Variants in SLC12A7 observed in about 807,000 individuals in gnomAD.
SLC12A7 encodes K-Cl cotransporter 4.
A neutral mutation model predicts 120.6 loss-of-function variants in SLC12A7; 100 were observed. The ratio of observed to expected loss-of-function variants is 0.83; its 90% CI spans 0.71 to 0.98. The LOEUF (loss-of-function observed/expected upper bound fraction) is 0.98, where lower values mean the gene tolerates loss of function less well. SLC12A7 is among the 50% of genes least tolerant of loss of function. The probability of loss-of-function intolerance (pLI) is 0.00; values close to 1 mark genes in which losing one functional copy is unlikely to be tolerated. For synonymous variants in SLC12A7, 760 were observed against 678.0 expected (o/e 1.12, Z -1.88); for missense variants, 1,373 against 1,548.1 (o/e 0.89, Z 1.90).
chr5:1,086,776 G>C, intron 6 of SLC12A7, 127 bp downstream of exon 6: 2 of 1,292,888 alleles, frequency 1.5e-6, no homozygotes, highest in Non-Finnish European at 2.1e-6. Context: ...AGAGCCCAGG[G>C]GCAGCCAGGG....
chr5:1,130,769 G>A, the SLC12A7 span, among the ~76,000 whole-genome samples: 1 of 152,228 alleles, frequency 6.6e-6, no homozygotes, highest in African/African-American at 2.4e-5. Flanking sequence ...CACAGACGCA[G>A]GTGGGCGGGT....
chr5:1,130,621 G>T, the SLC12A7 span, among the ~76,000 whole-genome samples: 31 of 151,688 alleles, frequency 2.0e-4, no homozygotes, highest in Non-Finnish European at 4.4e-4. Flanking sequence ...TAGCCAGGGT[G>T]GGGGCAGCAG....
At position 1,085,237 on chromosome 5, in the gene SLC12A7, G is replaced by A; in HGVS notation, c.912C>T (p.Asp304=). Residue 304 remains aspartate (D), a synonymous_variant, in exon 7 of 24, where the codon GAC becomes GAT. Transcript: ENST00000264930. The part of the protein sequence containing the change: ...GVIKSAFDPP[D]IPVCLLGNRT... The stretch of plus-strand genomic sequence containing the variant: ...TCAGAGGCCCCGAGACTCACGGGAT[G>A]TCCGGGGGGTCGAAGGCAGACTTGA... 6.2e-7 allele frequency: 1 copy of A among 1,612,280 alleles called. No individual in the cohort carries two copies. The highest frequency in any genetic ancestry group is 8.5e-7 in the Non-Finnish European group (1 of 1,179,692).
intron 1 of SLC12A7, among the ~76,000 whole-genome samples, chr5:1,097,241 G>A (rs1029845542): frequency 6.6e-6 from 1 of 152,170 alleles, no homozygotes; most frequent in Non-Finnish European, 1.5e-5. Context: ...GGAAAAACGT[G>A]TACACAGCAA....
At chr5:1,130,519 TC>T in the SLC12A7 span, among the ~76,000 whole-genome samples, 48 of 151,418 alleles carry the variant, frequency 3.2e-4, no homozygotes, top group Non-Finnish European at 6.2e-4. Context: ...CACACGCGTG[TC>T]CCCTCACCTC....
At position 1,081,745 on chromosome 5, in the gene SLC12A7, C is replaced by T; in HGVS notation, c.1130-1G>A. 6.2e-7 allele frequency: 1 copy of T among 1,610,022 alleles called. No homozygotes were observed. Among genetic ancestry groups the T allele is most frequent in the Non-Finnish European group, 8.5e-7 (1 of 1,177,688 alleles). ...TGCGCGTACGTACTCCACAGGTTCTCTGCCGGGCAAGGAAGATCCCATGGG... is the reference window on the plus strand; with the variant it reads ...TGCGCGTACGTACTCCACAGGTTCTTTGCCGGGCAAGGAAGATCCCATGGG... On this transcript the variant is annotated splice_acceptor_variant, in intron 8 of 23. Transcript: ENST00000264930. LOFTEE classifies it high-confidence loss of function.
chr5:1,061,976 C>A (rs1469706460), intron 20 of SLC12A7, among the ~76,000 whole-genome samples: 2 of 152,298 alleles, frequency 1.3e-5, no homozygotes, highest in South Asian at 4.1e-4. Context: ...GACTGAATGG[C>A]AGCGACCCAG....
intron 17 of SLC12A7, 144 bp from the exon 18 acceptor site, chr5:1,065,622 C>T (rs879882733): frequency 8.0e-6 from 5 of 627,550 alleles, no homozygotes; most frequent in African/African-American, 1.8e-5. Context: ...CGGTGTGCTG[C>T]GGTGCTCCCG....
chr5:1,064,692 A>G (rs1232777616), intron 18 of SLC12A7, among the ~76,000 whole-genome samples: 1 of 148,586 alleles, frequency 6.7e-6, no homozygotes, highest in Non-Finnish European at 1.5e-5. Flanking sequence ...GTGAAGGGAC[A>G]GTGAGGGGAC....
intron 1 of SLC12A7, among the ~76,000 whole-genome samples, chr5:1,105,155 T>G (rs1231503189): frequency 8.9e-5 from 4 of 45,174 alleles, no homozygotes; most frequent in Admixed American, 4.8e-4. Flanking sequence ...CACCCACCAG[T>G]CAAAAGGACC....
At chr5:1,057,715 G>A (rs902123286) in intron 21 of SLC12A7, 66 bp from the exon 22 acceptor site, 20 of 1,472,492 alleles carry the variant, frequency 1.4e-5, no homozygotes, top group Non-Finnish European at 1.6e-5. Context: ...AGCGACCCGG[G>A]ATGCCAGGCC....
At chr5:1,122,841 T>G in the SLC12A7 span, among the ~76,000 whole-genome samples, 2 of 152,384 alleles carry the variant, frequency 1.3e-5, no homozygotes, top group South Asian at 4.1e-4. Context: ...AGGGTTGCTA[T>G]TCCCCCTATG....
intron 18 of SLC12A7, among the ~76,000 whole-genome samples, chr5:1,064,859 C>CGAGGAGAGGGT (rs1554012897): frequency 2.5e-5 from 1 of 40,414 alleles, no homozygotes; most frequent in Non-Finnish European, 4.4e-5. Context: ...GAGGAGACGG[C>CGAGGAGAGGGT]GAGGGGACAG....
chr5:1,051,039 G>A lies in SLC12A7; in HGVS notation c.*1321C>T, dbSNP rs118075009. ...CAACCTTGTTACCACGTAACTCCCT[G>A]GGGTGTTTAAATAAATAAATATGCC... On this transcript the variant is annotated 3_prime_UTR_variant, in exon 24 of 24. Coordinates refer to ENST00000264930, the MANE Select transcript of SLC12A7 (RefSeq NM_006598.3). The A allele has an allele frequency of 3.1e-3, 1,251 of 398,214 alleles. 17 individuals carry two copies. Among genetic ancestry groups the A allele is most frequent in the Admixed American group, 0.025 (578 of 22,716 alleles). The allele number at this position is 398,214 out of a possible 1,614,324, so 24.7% of individuals were successfully genotyped here.
chr5:1,085,463 G>C lies in SLC12A7; in HGVS notation c.686C>G (p.Ser229Cys), dbSNP rs758316544. ...CGCCTGGAAGATGGCCGCACCCGGG[G>C]AGATGTACGTCTGTGGGAACAAGGC... ...GTIEIFLTYI[S>C]PGAAIFQAEA... Residue 229 changes from serine to cysteine, a missense_variant, in exon 7 of 24, where the codon TCC becomes TGC. By Grantham distance (112) the Ser-to-Cys change is moderately radical (BLOSUM62 -1). Transcript: ENST00000264930. 54 of 1,606,472 alleles carry C rather than the reference G, an allele frequency of 3.4e-5. No individual in the cohort carries two copies. The highest frequency in any genetic ancestry group is 4.6e-5 in the Non-Finnish European group (54 of 1,177,174).
intron 17 of SLC12A7, among the ~76,000 whole-genome samples, chr5:1,069,618 C>T (rs1273173931): frequency 2.0e-5 from 3 of 152,214 alleles, no homozygotes; most frequent in South Asian, 2.1e-4. Context: ...GCGCCCACGG[C>T]AGCCAGCCCT....
the SLC12A7 span, among the ~76,000 whole-genome samples, chr5:1,137,101 G>C: frequency 2.6e-4 from 39 of 152,250 alleles, 1 homozygote; most frequent in African/African-American, 9.1e-4. Context: ...TCCCAGCCCA[G>C]AGCTGGCTGC....
chr5:1,069,625 C>T (rs1419667394), intron 17 of SLC12A7, among the ~76,000 whole-genome samples: 2 of 152,196 alleles, frequency 1.3e-5, no homozygotes, highest in Non-Finnish European at 2.9e-5. Context: ...CGGCAGCCAG[C>T]CCTGCCTGGG....
At chr5:1,064,834 CGG>C (rs1736785430) in intron 18 of SLC12A7, among the ~76,000 whole-genome samples, 1 of 121,682 alleles carries the variant, frequency 8.2e-6, no homozygotes, top group East Asian at 2.6e-4. Context: ...GGCGAGGGGA[CGG>C]CGAAGCGACG....
Sources: allele counts gnomAD v4.1 joint callset (sites outside exome capture counted in the v4.1 genomes callset), GRCh38; gene constraint gnomAD v4.1.1; transcripts MANE v1.5; gene names NCBI Gene and HGNC (gene_info 2026-07-23, HGNC 2026-07-21).